Variants in COPB1 observed in about 807,000 individuals in gnomAD.
COPB1 encodes the protein coatomer subunit beta.
Under a neutral mutation model 108.7 loss-of-function variants are expected in COPB1, and 21 were observed. The observed-to-expected ratio is 0.19, with a 90% CI of 0.14 to 0.28. The LOEUF is 0.28. COPB1 is among the 10% of genes least tolerant of loss of function. COPB1 has a pLI of 1.00. For synonymous variants in COPB1, 378 were observed against 386.8 expected, an observed-to-expected ratio of 0.98 and a Z score of 0.27; for missense variants, 919 against 1,141.3, an observed-to-expected ratio of 0.81 and a Z score of 2.81.
At chr11:14,493,013 G>A (rs1850942637) in intron 4 of COPB1, among the ~76,000 whole-genome samples, 1 of 152,134 alleles carries the variant, frequency 6.6e-6, no homozygotes, top group African/African-American at 2.4e-5. Flanking sequence ...GGGCGTGGTG[G>A]TGGGTGCCTG....
chr11:14,487,222 T>C lies in COPB1; in HGVS notation c.700-718A>G, dbSNP rs189163462. On this transcript the variant is annotated intron_variant, in intron 6 of 21. Transcript: ENST00000439561. ...TCTCTTTTGAAGTCAGTATTTGTAG[T>C]AGATTTTCCTAAAATATATATAGTC... Among the ~76,000 whole-genome samples, 8 of 152,348 alleles carry C rather than the reference T, an allele frequency of 5.3e-5. No homozygotes were observed. The East Asian group carries it at 1.5e-3, about 29-fold the overall frequency.
At chr11:14,497,097 T>C (rs1384618464) in intron 2 of COPB1, among the ~76,000 whole-genome samples, 1 of 151,882 alleles carries the variant, frequency 6.6e-6, no homozygotes, top group East Asian at 1.9e-4. Flanking sequence ...TACAAGAAAA[T>C]ATTGGGAAAA....
chr11:14,464,581 T>C (rs926493128), intron 18 of COPB1, among the ~76,000 whole-genome samples: 1 of 152,180 alleles, frequency 6.6e-6, no homozygotes. Context: ...CATCTTCCTT[T>C]ATAAAGCCTT....
Position 14,492,942 on chromosome 11 carries a change from T to TC in COPB1, c.491+699dup, listed in dbSNP as rs1266054892. Reference sequence around the variant, plus strand: ...GAGTGGAACACTTGAGGTCAGGAGTTCGAGACCAGCCTGGCCAACATGGTG... The same window carrying TC: ...GAGTGGAACACTTGAGGTCAGGAGTTCCGAGACCAGCCTGGCCAACATGGTG... On this transcript the variant is annotated intron_variant, in intron 4 of 21. Transcript: ENST00000439561. Among the ~76,000 whole-genome samples, 3 of 151,978 alleles carry TC rather than the reference T, an allele frequency of 2.0e-5. No homozygotes were observed. In the East Asian group the frequency reaches 5.8e-4, roughly 30 times the overall value.
Position 14,493,824 on chromosome 11 carries a change from T to G in COPB1, c.322-13A>C. On this transcript the variant is annotated splice_polypyrimidine_tract_variant and intron_variant, in intron 3 of 21. Transcript: ENST00000439561. ...GATGTTGAAGATCCTGATATAAAAA[T>G]TAAAATATGAAATGCTGAGTTTCAG... The G allele has an allele frequency of 6.5e-7, 1 of 1,537,286 alleles. No homozygotes were observed. The highest frequency in any genetic ancestry group is 8.8e-7 in the Non-Finnish European group (1 of 1,141,746).
In COPB1 at chr11:14,474,592, A is replaced by C; in HGVS notation, c.1640T>G (p.Leu547Arg). 1 of 1,613,922 alleles carries C rather than the reference A, an allele frequency of 6.2e-7. No individual in the cohort carries two copies. The highest frequency in any genetic ancestry group is 8.5e-7 in the Non-Finnish European group (1 of 1,179,884). The change falls in exon 14 of 22, where the codon CTG becomes CGG. Residue 547 changes from leucine to arginine, a missense_variant. Leu to Arg is a moderately radical substitution (Grantham distance 102). Around this residue, in one of 5 missense-constraint regions of COPB1, gnomAD observed 705 missense variants for 817.8 expected, o/e 0.86. Coordinates refer to ENST00000439561, the MANE Select transcript of COPB1 (RefSeq NM_001144061.2). The part of the protein sequence containing the change: ...EDRPPLRGFL[L>R]DGDFFVAASL... ...GGCAGCAACAAAGAAATCTCCATCC[A>C]GAAGGAATCCTCTCAAGGGAGGTCT...
At chr11:14,460,072 ATG>A in intron 20 of COPB1, 134 bp downstream of exon 20, 1 of 571,170 alleles carries the variant, frequency 1.8e-6, no homozygotes, top group South Asian at 2.4e-5. Context: ...CCAACATTCT[ATG>A]GGATAACATC....
chr11:14,475,416 T>C (rs951615110), intron 13 of COPB1, among the ~76,000 whole-genome samples: 2 of 152,204 alleles, frequency 1.3e-5, no homozygotes, highest in Non-Finnish European at 2.9e-5. Flanking sequence ...ATTTACTTAA[T>C]AGAAAAATGC....
intron 2 of COPB1, among the ~76,000 whole-genome samples, chr11:14,495,511 C>A (rs1247006549): frequency 6.6e-6 from 1 of 152,186 alleles, no homozygotes; most frequent in Non-Finnish European, 1.5e-5. Flanking sequence ...CAGAACTCTT[C>A]ATTTAATAGC....
chr11:14,474,327 A>T, intron 14 of COPB1, 168 bp downstream of exon 14: 1 of 490,770 alleles, frequency 2.0e-6, no homozygotes, highest in Non-Finnish European at 3.5e-6. Flanking sequence ...AGAGGAAGAT[A>T]CTTTATCAAT....
At position 14,486,409 on chromosome 11, in the gene COPB1, A is replaced by G. The variant is rs773223505; in HGVS notation, c.795T>C (p.Ala265=). Residue 265 remains alanine (A), a synonymous_variant, in exon 7 of 22, where the codon GCT becomes GCC. Coordinates refer to ENST00000439561, the MANE Select transcript of COPB1 (RefSeq NM_001144061.2). The part of the protein sequence containing the change: ...SSSPAVKYEA[A]GTLVTLSSAP... ...CACTAGAGAGTGTCACTAATGTCCC[A>G]GCAGCTTCATATTTTACAGCAGGGC... The G allele has an allele frequency of 6.2e-7, 1 of 1,614,060 alleles. No homozygotes were observed. The highest frequency in any genetic ancestry group is 1.3e-5 in the African/African-American group (1 of 74,944).
At chr11:14,474,384 ACT>A in intron 14 of COPB1, 109 bp downstream of exon 14, 1 of 928,362 alleles carries the variant, frequency 1.1e-6, no homozygotes, top group Non-Finnish European at 1.6e-6. Context: ...TAAATCATAA[ACT>A]CTTTCATGAC....
chr11:14,476,905 A>G lies in COPB1; in HGVS notation c.1455+14T>C, dbSNP rs750452790. On this transcript the variant is annotated intron_variant, in intron 12 of 21. Coordinates refer to ENST00000439561, the MANE Select transcript of COPB1 (RefSeq NM_001144061.2). ...ATTACCATATAAACTAACATTTACT[A>G]AAGTAAAACATACCTCTCCAAGGGA... The G allele has an allele frequency of 3.9e-6, 6 of 1,528,846 alleles. No homozygotes were observed. Among genetic ancestry groups the G allele is most frequent in the East Asian group, 2.3e-5 (1 of 44,390 alleles). The allele number at this position is 1,528,846 out of a possible 1,614,324, so 94.7% of individuals were successfully genotyped here. A position where few individuals can be genotyped will look rare whatever the true frequency, so the allele number is the denominator to read the frequency against.
At position 14,486,521 on chromosome 11, in the gene COPB1, T is replaced by C; in HGVS notation, c.700-17A>G. 1 of 1,611,020 alleles carries C rather than the reference T, an allele frequency of 6.2e-7. No individual in the cohort carries two copies. The highest frequency in any genetic ancestry group is 8.5e-7 in the Non-Finnish European group (1 of 1,178,762). On this transcript the variant is annotated splice_polypyrimidine_tract_variant and intron_variant, in intron 6 of 21. Transcript: ENST00000439561. The stretch of plus-strand genomic sequence containing the variant: ...ATGACAGACCTGGAGAAGAAAACAT[T>C]AACATTTCAACCGATTTCAGGAACG...
intron 5 of COPB1, among the ~76,000 whole-genome samples, chr11:14,489,286 A>C (rs1198849859): frequency 6.6e-6 from 1 of 152,238 alleles, no homozygotes; most frequent in African/African-American, 2.4e-5. Context: ...AGAATGTAAA[A>C]TGGTAGAGCT....
chr11:14,469,562 G>C lies in COPB1; in HGVS notation c.1739C>G (p.Ser580Cys). ...GAGCAACATAGCCTCAGCAACAAAA[G>C]ACTAAGAAAGTAAAGAAATCGGTTA... ...ALVQEKKKQN[S>C]FVAEAMLLMA... Residue 580 changes from serine to cysteine, a missense_variant and splice_region_variant, in exon 15 of 22, where the codon TCT (serine) becomes TGT (cysteine). Ser to Cys is a moderately radical substitution (Grantham distance 112). Coordinates refer to ENST00000439561, the MANE Select transcript of COPB1 (RefSeq NM_001144061.2). The C allele has an allele frequency of 6.2e-7, 1 of 1,612,906 alleles. No homozygotes were observed. The highest frequency in any genetic ancestry group is 8.5e-7 in the Non-Finnish European group (1 of 1,179,020).
Position 14,470,385 on chromosome 11 carries a change from ATGC to A in COPB1, c.1738-825_1738-823del, listed in dbSNP as rs774368532. ...TTGTGCTGCTAAGCGTGATCACCTG[ATGC>A]TGCTATCTTAATCTTTATACTGCAC... On this transcript the variant is annotated intron_variant, in intron 14 of 21. Coordinates refer to ENST00000439561, the MANE Select transcript of COPB1 (RefSeq NM_001144061.2). Among the ~76,000 whole-genome samples the A allele has an allele frequency of 9.4e-4, 143 of 152,306 alleles. 2 individuals carry two copies. The highest frequency in any genetic ancestry group is 7.5e-4 in the Non-Finnish European group (51 of 68,036).
At chr11:14,473,754 G>A (rs1850459743) in intron 14 of COPB1, among the ~76,000 whole-genome samples, 1 of 150,888 alleles carries the variant, frequency 6.6e-6, no homozygotes, top group African/African-American at 2.4e-5. Flanking sequence ...ATGTAACACA[G>A]AGATATGAAG....
chr11:14,472,601 G>T (rs1438112587), intron 14 of COPB1, among the ~76,000 whole-genome samples: 1 of 152,194 alleles, frequency 6.6e-6, no homozygotes, highest in Non-Finnish European at 1.5e-5. Flanking sequence ...GTCCTAGATG[G>T]CATCTTCTTC....
Sources: allele counts gnomAD v4.1 joint callset (sites outside exome capture counted in the v4.1 genomes callset), GRCh38; gene constraint gnomAD v4.1.1; regional missense constraint gnomAD v4.1.1; transcripts MANE v1.5; gene names NCBI Gene and HGNC (gene_info 2026-07-23, HGNC 2026-07-21).